The following ANKRD27 variants were observed in gnomAD, a reference collection of about 807,000 sequenced individuals.
ANKRD27 encodes ankyrin repeat domain-containing protein 27.
In ANKRD27, 112 loss-of-function variants were observed where a neutral mutation model predicts 129.7. The ratio of observed to expected loss-of-function variants is 0.86; its 90% CI spans 0.74 to 1.01. The LOEUF is 1.01. ANKRD27 is among the 50% of genes least tolerant of loss of function. ANKRD27 has a pLI of 0.00. For synonymous variants in ANKRD27, 516 were observed against 511.2 expected (o/e 1.01, Z -0.13); for missense variants, 1,258 against 1,300.5 (o/e 0.97, Z 0.50).
chr19:32,641,800 C>T (rs1217031508), intron 10 of ANKRD27, among the ~76,000 whole-genome samples: 2 of 133,668 alleles, frequency 1.5e-5, no homozygotes, highest in African/African-American at 5.8e-5. Flanking sequence ...AGGGGTCTCA[C>T]TCTATCACCC....
intron 3 of ANKRD27, 131 bp downstream of exon 3, chr19:32,649,531 AGGGTCCCTCCAGCCCCCCAC>A: frequency 1.6e-6 from 1 of 631,142 alleles, no homozygotes; most frequent in Non-Finnish European, 2.8e-6. Flanking sequence ...CCACAAAGGC[AGGGTCCCTCCAGCCCCCCAC>A]GGGGCTGCAG....
At chr19:32,617,756 T>TC (rs200142873) in intron 20 of ANKRD27, 123 bp from the exon 21 acceptor site, 12,961 of 360,592 alleles carry the variant, frequency 0.036, 7 homozygotes, top group South Asian at 0.066. Context: ...TGATTTAGTT[T>TC]TTTTTTTTTT....
At position 32,622,613 on chromosome 19, in the gene ANKRD27, T is replaced by C; in HGVS notation, c.1636A>G (p.Lys546Glu). Residue 546 changes from lysine (K) to glutamate (E), a missense_variant, in exon 18 of 29, where the codon AAG becomes GAG. Lys to Glu is a moderately conservative substitution (Grantham distance 56). Coordinates refer to ENST00000306065, the MANE Select transcript of ANKRD27 (RefSeq NM_032139.3). ...TCCACGTCGTAGTAAACCAGAGCCT[T>C]CACACACTGCAAAGAGATGGGGAAA... Reference protein sequence around the residue: ...ACTYGHEDCVKALVYYDVESC... With the variant: ...ACTYGHEDCVEALVYYDVESC... 6.2e-7 allele frequency: 1 copy of C among 1,613,464 alleles called. No homozygotes were observed. The highest frequency in any genetic ancestry group is 8.5e-7 in the Non-Finnish European group (1 of 1,179,998).
At chr19:32,631,740 CGT>C (rs1966997240) in intron 12 of ANKRD27, among the ~76,000 whole-genome samples, 1 of 152,178 alleles carries the variant, frequency 6.6e-6, no homozygotes, top group Non-Finnish European at 1.5e-5. Context: ...ACCCTGACTG[CGT>C]GTATATGTGG....
Position 32,598,313 on chromosome 19 carries a change from A to G in ANKRD27, c.2985T>C (p.Ala995=). The G allele has an allele frequency of 1.2e-6, 2 of 1,613,910 alleles. No homozygotes were observed. Among genetic ancestry groups the G allele is most frequent in the Non-Finnish European group, 1.7e-6 (2 of 1,179,828 alleles). ...NLPAQSGSHA[A]EKGNSDWPER... is the part of the protein sequence containing the mutation. Reference sequence around the variant, plus strand: ...CTGGCCAGTCGCTGTTGCCTTTCTCAGCAGCATGAGATCCACTCTGAGCTG... The same window carrying G: ...CTGGCCAGTCGCTGTTGCCTTTCTCGGCAGCATGAGATCCACTCTGAGCTG... Residue 995 remains alanine (A), a synonymous_variant, in exon 29 of 29, where the codon GCT becomes GCC. Transcript: ENST00000306065.
At chr19:32,664,055 CAAAAAAAAAA>C (rs869264224) in intron 1 of ANKRD27, among the ~76,000 whole-genome samples, 1 of 31,402 alleles carries the variant, frequency 3.2e-5, no homozygotes, top group Non-Finnish European at 7.2e-5. Context: ...GACTCTGTCT[CAAAAAAAAAA>C]AAAAAAAAAG....
intron 1 of ANKRD27, among the ~76,000 whole-genome samples, chr19:32,670,601 G>A (rs1967850543): frequency 6.6e-6 from 1 of 152,112 alleles, no homozygotes; most frequent in Non-Finnish European, 1.5e-5. Context: ...TTCAACCCAG[G>A]AGGCGGAGGT....
intron 3 of ANKRD27, among the ~76,000 whole-genome samples, chr19:32,647,008 TAG>T (rs1468985946): frequency 6.6e-6 from 1 of 152,106 alleles, no homozygotes; most frequent in Non-Finnish European, 1.5e-5. Context: ...GTATTTTTAG[TAG>T]AGACACAGTT....
chr19:32,625,535 AT>A (rs1279834746), intron 17 of ANKRD27, among the ~76,000 whole-genome samples: 4 of 150,692 alleles, frequency 2.7e-5, no homozygotes, highest in African/African-American at 9.8e-5. Context: ...GGTTCAACTG[AT>A]TCTCATGCCT....
intron 1 of ANKRD27, among the ~76,000 whole-genome samples, chr19:32,669,241 G>T (rs10416617): frequency 0.1 from 15,543 of 152,166 alleles, 2,527 homozygotes; most frequent in African/African-American, 0.34. Flanking sequence ...CTTGAAAAAG[G>T]CCTGTGAGCT....
At chr19:32,628,880 A>G (rs1966939278) in intron 13 of ANKRD27, 31 bp from the exon 14 acceptor site, 1 of 1,611,910 alleles carries the variant, frequency 6.2e-7, no homozygotes, top group African/African-American at 1.3e-5. Flanking sequence ...TGCTATCCAC[A>G]TGCTGGAATT....
At chr19:32,664,239 G>C (rs1967703786) in intron 1 of ANKRD27, among the ~76,000 whole-genome samples, 1 of 151,876 alleles carries the variant, frequency 6.6e-6, no homozygotes, top group Non-Finnish European at 1.5e-5. Context: ...CCACAGCCCT[G>C]AACTCCCAGC....
rs1391771477 is a variant in ANKRD27 at position 32,639,412 on chromosome 19, A to C, written c.1060T>G (p.Ser354Ala). ...AKDELGYCLT[S>A]FEAAIEYIRQ... Reference sequence around the variant, plus strand: ...ATATATTCAATGGCAGCTTCGAATGAGGTCAGGCAGTATCCCAGTTCATCC... The same window carrying C: ...ATATATTCAATGGCAGCTTCGAATGCGGTCAGGCAGTATCCCAGTTCATCC... Residue 354 changes from serine (S) to alanine (A), a missense_variant, in exon 12 of 29, where the codon TCA becomes GCA. Transcript: ENST00000306065. The C allele has an allele frequency of 6.2e-7, 1 of 1,614,124 alleles. No homozygotes were observed. The highest frequency in any genetic ancestry group is 1.7e-5 in the Admixed American group (1 of 59,998).
At chr19:32,654,151 C>T (rs1017757014) in intron 2 of ANKRD27, among the ~76,000 whole-genome samples, 8 of 152,126 alleles carry the variant, frequency 5.3e-5, no homozygotes, top group Non-Finnish European at 7.4e-5. Context: ...CCGCCTGCCT[C>T]GGCCTCCCAA....
chr19:32,630,450 G>A (rs182796674), intron 13 of ANKRD27, among the ~76,000 whole-genome samples: 1 of 152,210 alleles, frequency 6.6e-6, no homozygotes, highest in Non-Finnish European at 1.5e-5. Flanking sequence ...CAGTGCACAC[G>A]CCCATAAACA....
Position 32,604,344 on chromosome 19 carries a change from C to A in ANKRD27, c.2574G>T (p.Val858=). Residue 858 remains valine (V), a synonymous_variant, in exon 25 of 29, where the codon GTG becomes GTT. Transcript: ENST00000306065. ...CTCCGTGGAGCAGAAGCAGCTCTAC[C>A]ACGAAGACGTGCTTTTCAATCACAG... ...HEAVIEKHVF[V]VELLLLHGAS... 6.2e-7 allele frequency: 1 copy of A among 1,614,088 alleles called. No individual in the cohort carries two copies.
intron 3 of ANKRD27, among the ~76,000 whole-genome samples, chr19:32,649,074 C>T (rs1215427623): frequency 6.7e-6 from 1 of 150,306 alleles, no homozygotes; most frequent in Admixed American, 6.7e-5. Context: ...TTAAGCAATT[C>T]TCCCACCTGT....
chr19:32,659,009 G>C lies in ANKRD27; in HGVS notation c.7C>G (p.Leu3Val). 6.2e-7 allele frequency: 1 copy of C among 1,613,030 alleles called. No homozygotes were observed. The highest frequency in any genetic ancestry group is 8.5e-7 in the Non-Finnish European group (1 of 1,179,110). Residue 3 changes from leucine (L) to valine (V), a missense_variant, in exon 2 of 29, where the codon CTG (leucine) becomes GTG (valine). Leu to Val is a conservative substitution (Grantham distance 32, BLOSUM62 1). Coordinates refer to ENST00000306065, the MANE Select transcript of ANKRD27 (RefSeq NM_032139.3). MA[L>V]YDEDLLKNPF... is the part of the protein sequence containing the mutation. ...TTTTTCAGGAGGTCTTCATCATACA[G>C]AGCCATATGGACTTCAGATGGGTCA...
intron 2 of ANKRD27, 30 bp from the exon 3 acceptor site, chr19:32,649,822 A>G (rs1289444141): frequency 1.4e-6 from 2 of 1,428,588 alleles, no homozygotes; most frequent in South Asian, 2.3e-5. Flanking sequence ...GCAACATTAG[A>G]CAGACGTGCC....
Sources: allele counts gnomAD v4.1 joint callset (sites outside exome capture counted in the v4.1 genomes callset), GRCh38; gene constraint gnomAD v4.1.1; transcripts MANE v1.5; gene names NCBI Gene and HGNC (gene_info 2026-07-23, HGNC 2026-07-21).